The following RBFOX2 variants were observed in gnomAD, a reference collection of about 807,000 sequenced individuals.
RBFOX2 encodes RNA binding protein fox-1 homolog 2.
Under a neutral mutation model 49.1 loss-of-function variants are expected in RBFOX2, and 10 were observed. That is an observed-to-expected ratio of 0.20 (90% CI 0.13 to 0.35). RBFOX2 has a LOEUF of 0.35. RBFOX2 is among the 10% of genes least tolerant of loss of function. The pLI, the probability that RBFOX2 is intolerant of heterozygous loss-of-function variation, is 1.00. For synonymous variants in RBFOX2, 183 were observed against 187.4 expected, an observed-to-expected ratio of 0.98 and a Z score of 0.19; for missense variants, 323 against 486.9, an observed-to-expected ratio of 0.66 and a Z score of 3.17.
At chr22:35,808,558 C>T (rs1185212977) in intron 2 of RBFOX2, among the ~76,000 whole-genome samples, 1 of 152,084 alleles carries the variant, frequency 6.6e-6, no homozygotes, top group Non-Finnish European at 1.5e-5. Context: ...TAGAAATAGA[C>T]CACACAAGGC....
At chr22:35,803,597 C>T (rs1046768100) in intron 2 of RBFOX2, among the ~76,000 whole-genome samples, 2 of 151,942 alleles carry the variant, frequency 1.3e-5, no homozygotes, top group Non-Finnish European at 1.5e-5. Context: ...AGATCACTTG[C>T]GCCCAGCAGG....
chr22:35,760,057 T>C (rs1938214232), intron 8 of RBFOX2, 37 bp from the exon 10 acceptor site: 3 of 1,611,218 alleles, frequency 1.9e-6, no homozygotes, highest in African/African-American at 2.7e-5. Flanking sequence ...AAATTTCAAC[T>C]TGCATTCAAT....
In RBFOX2 at chr22:35,879,297, TAC is replaced by T. The variant is rs147940963; in HGVS notation, c.-34+59548_-34+59549del. ...GGAGAAATAATTCGTACTGGATATGTACAGTCTTTTTTTCCTTGTCACCGTAA... is the reference window on the plus strand; with the variant it reads ...GGAGAAATAATTCGTACTGGATATGTAGTCTTTTTTTCCTTGTCACCGTAA... On this transcript the variant is annotated intron_variant, in intron 1 of 13. Coordinates refer to the RBFOX2 transcript ENST00000359369. Among the ~76,000 whole-genome samples, 537 of 152,310 alleles carry T rather than the reference TAC, an allele frequency of 3.5e-3. 1 individual carries two copies. The highest frequency in any genetic ancestry group is 0.011 in the African/African-American group (475 of 41,570).
Position 35,761,660 on chromosome 22 carries a change from G to C in RBFOX2, c.608-192C>G, listed in dbSNP as rs560871659. Among the ~76,000 whole-genome samples the C allele has an allele frequency of 2.0e-5, 3 of 152,162 alleles. No homozygotes were observed. The East Asian group carries it at 5.8e-4, about 29-fold the overall frequency. On this transcript the variant is annotated intron_variant, in intron 6 of 11. Transcript: ENST00000405409. ...CTAGGACACAGTGAAGAGATAATGAGGGGCTGGGGCTGGGGGGCTTGGCAG... is the reference window on the plus strand; with the variant it reads ...CTAGGACACAGTGAAGAGATAATGACGGGCTGGGGCTGGGGGGCTTGGCAG...
At chr22:35,851,602 G>A (rs531766614) in intron 1 of RBFOX2, among the ~76,000 whole-genome samples, 1 of 152,200 alleles carries the variant, frequency 6.6e-6, no homozygotes, top group South Asian at 2.1e-4. Context: ...TGAGGCAGGG[G>A]GATCACTTGA....
At chr22:35,973,486 A>T (rs1430799065) in intron 1 of RBFOX2, among the ~76,000 whole-genome samples, 2 of 152,314 alleles carry the variant, frequency 1.3e-5, no homozygotes, top group East Asian at 3.9e-4. Context: ...ACCTATGGCA[A>T]TTAGGAACCA....
chr22:35,829,133 G>A (rs1423839343), intron 1 of RBFOX2, among the ~76,000 whole-genome samples: 1 of 152,144 alleles, frequency 6.6e-6, no homozygotes, highest in African/African-American at 2.4e-5. Flanking sequence ...CAGTTGTGCT[G>A]TAGATAAAGC....
chr22:35,853,292 T>TAA (rs11289647), intron 1 of RBFOX2, among the ~76,000 whole-genome samples: 4 of 129,816 alleles, frequency 3.1e-5, no homozygotes, highest in East Asian at 4.5e-4. Flanking sequence ...AGCCTCTGTC[T>TAA]AAAAAAAAAA....
chr22:35,750,376 C>T lies in RBFOX2; in HGVS notation c.888-3815G>A, dbSNP rs779228094. The T allele has an allele frequency of 4.9e-6, 7 of 1,432,948 alleles. No individual in the cohort carries two copies. The Admixed American group carries it at 1.2e-4, about 25-fold the overall frequency. 88.8% of individuals were successfully genotyped at this position (1,432,948 alleles called of 1,614,324 possible). ...TGCACTGATGCAAAACTGAAGCAAC[C>T]ATTAATAATAAAAATTAAAAAGGAC... is the stretch of plus-strand genomic sequence containing the variant. On this transcript the variant is annotated intron_variant, in intron 9 of 11. Transcript: ENST00000405409.
At chr22:35,896,452 C>G (rs1313854568) in intron 1 of RBFOX2, among the ~76,000 whole-genome samples, 3 of 152,158 alleles carry the variant, frequency 2.0e-5, no homozygotes, top group Non-Finnish European at 4.4e-5. Context: ...CTCAGACATG[C>G]TGAAACAGCT....
At chr22:35,969,426 G>A (rs990061686) in intron 1 of RBFOX2, among the ~76,000 whole-genome samples, 2 of 152,044 alleles carry the variant, frequency 1.3e-5, no homozygotes, top group Non-Finnish European at 2.9e-5. Context: ...ACAAAAATTC[G>A]TCAGGCATGG....
At chr22:35,847,394 AC>A (rs1424834159) in intron 1 of RBFOX2, among the ~76,000 whole-genome samples, 1 of 152,232 alleles carries the variant, frequency 6.6e-6, no homozygotes, top group East Asian at 1.9e-4. Flanking sequence ...TAAAAGAAAT[AC>A]TGTTCAATCA....
intron 6 of RBFOX2, among the ~76,000 whole-genome samples, chr22:35,763,665 C>T (rs1459671046): frequency 6.6e-6 from 1 of 152,082 alleles, no homozygotes; most frequent in Non-Finnish European, 1.5e-5. Context: ...TCACAGATGC[C>T]CTTTGACCTT....
At chr22:35,931,649 C>T (rs1471579053) in intron 1 of RBFOX2, among the ~76,000 whole-genome samples, 1 of 152,160 alleles carries the variant, frequency 6.6e-6, no homozygotes, top group Admixed American at 6.5e-5. Context: ...GAGGTGCACA[C>T]CTGCGGTCCC....
rs547658413 is a variant in RBFOX2, at chr22:35,881,948, G to A, written c.-34+56899C>T. ...CACTCCAGCCTGGACAACAGAGTGAGACCCTGTCTCAAAAGAAAAAAAGAA... is the reference window on the plus strand; with the variant it reads ...CACTCCAGCCTGGACAACAGAGTGAAACCCTGTCTCAAAAGAAAAAAAGAA... On this transcript the variant is annotated intron_variant, in intron 1 of 13. Transcript: ENST00000359369. Among the ~76,000 whole-genome samples, 5 of 145,748 alleles carry A rather than the reference G, an allele frequency of 3.4e-5. No homozygotes were observed. In the South Asian group the frequency reaches 1.1e-3, roughly 32 times the overall value.
intron 1 of RBFOX2, among the ~76,000 whole-genome samples, chr22:35,847,961 C>A (rs1432921792): frequency 1.3e-5 from 2 of 151,910 alleles, no homozygotes; most frequent in African/African-American, 2.4e-5. Context: ...TTAATCCACC[C>A]CAAAATTGGG....
intron 1 of RBFOX2, among the ~76,000 whole-genome samples, chr22:36,026,291 A>AAACAAAGAACATCCAC (rs59794191): frequency 0.23 from 34,467 of 150,570 alleles, 6,414 homozygotes; most frequent in African/African-American, 0.52. Context: ...GAAAGAAAAT[A>AAACAAAGAACATCCAC]AAATACAAGA....
At chr22:35,958,443 A>G (rs1569511805) in intron 1 of RBFOX2, among the ~76,000 whole-genome samples, 1 of 152,194 alleles carries the variant, frequency 6.6e-6, no homozygotes, top group Non-Finnish European at 1.5e-5. Context: ...AATCCTGCCT[A>G]TCCCTAAGTC....
intron 1 of RBFOX2, among the ~76,000 whole-genome samples, chr22:36,019,316 G>A (rs896629712): frequency 6.6e-6 from 1 of 152,162 alleles, no homozygotes; most frequent in African/African-American, 2.4e-5. Flanking sequence ...CTCCACCCTG[G>A]ATAATGAGCA....
Sources: allele counts gnomAD v4.1 joint callset (sites outside exome capture counted in the v4.1 genomes callset), GRCh38; gene constraint gnomAD v4.1.1; transcripts MANE v1.5; gene names NCBI Gene and HGNC (gene_info 2026-07-23, HGNC 2026-07-21).